The following DOCK9 variants were observed in gnomAD, a reference collection of about 807,000 sequenced individuals.
DOCK9 encodes dedicator of cytokinesis 9.
DOCK9 carries 89 observed loss-of-function variants against 263.3 expected under a neutral mutation model. That is an observed-to-expected ratio of 0.34 (90% CI 0.28 to 0.40). DOCK9 has a LOEUF of 0.40. Among genes scored for constraint, DOCK9 ranks in the 10% least tolerant of loss-of-function variants. DOCK9 has a pLI of 1.00. For synonymous variants in DOCK9, 976 were observed against 973.1 expected (o/e 1.00, Z -0.06); for missense variants, 2,140 against 2,603.4 (o/e 0.82, Z 3.87).
intron 35 of DOCK9, among the ~76,000 whole-genome samples, chr13:98,851,270 G>A (rs1312362095): frequency 7.2e-5 from 11 of 152,198 alleles, no homozygotes; most frequent in South Asian, 6.2e-4. Flanking sequence ...GATTTAAATC[G>A]CGTGCATCTG....
chr13:98,993,024 T>C (rs1165773941), intron 1 of DOCK9, among the ~76,000 whole-genome samples: 3 of 152,132 alleles, frequency 2.0e-5, no homozygotes, highest in Non-Finnish European at 4.4e-5. Flanking sequence ...ACCCCCAGCA[T>C]GGCAAAGCAG....
chr13:98,874,455 G>A (rs888441335), intron 27 of DOCK9, among the ~76,000 whole-genome samples: 3 of 152,166 alleles, frequency 2.0e-5, no homozygotes, highest in African/African-American at 7.2e-5. Context: ...GTGCACATTT[G>A]CATTTAGGTC....
intron 41 of DOCK9, among the ~76,000 whole-genome samples, chr13:98,830,625 T>C (rs2092722314): frequency 6.6e-6 from 1 of 152,176 alleles, no homozygotes; most frequent in African/African-American, 2.4e-5. Context: ...TCTTCAACCA[T>C]GAGCCCCTAT....
intron 1 of DOCK9, among the ~76,000 whole-genome samples, chr13:98,992,625 G>A (rs772634946): frequency 2.6e-5 from 4 of 152,166 alleles, no homozygotes; most frequent in Non-Finnish European, 4.4e-5. Flanking sequence ...ATAAAAGGGA[G>A]TTCCCCAGCA....
intron 1 of DOCK9, among the ~76,000 whole-genome samples, chr13:98,974,482 G>A (rs1335157020): frequency 2.0e-5 from 3 of 152,052 alleles, no homozygotes; most frequent in African/African-American, 4.8e-5. Flanking sequence ...GGTCGCAGTG[G>A]CTCACACCTG....
At chr13:98,827,303 G>A (rs1002189561) in intron 43 of DOCK9, among the ~76,000 whole-genome samples, 11 of 152,046 alleles carry the variant, frequency 7.2e-5, no homozygotes, top group Non-Finnish European at 1.2e-4. Flanking sequence ...TATATTTTTC[G>A]CTTGACTTAA....
intron 1 of DOCK9, among the ~76,000 whole-genome samples, chr13:99,002,273 G>A (rs1882493078): frequency 6.6e-6 from 1 of 152,156 alleles, no homozygotes. Flanking sequence ...TCTGATGTGA[G>A]AGGAGGATCT....
At chr13:99,023,604 C>G (rs1886371787) in intron 1 of DOCK9, among the ~76,000 whole-genome samples, 1 of 152,164 alleles carries the variant, frequency 6.6e-6, no homozygotes, top group Admixed American at 6.5e-5. Flanking sequence ...CTGATGTGTA[C>G]ACTTAAAAAT....
At chr13:98,860,284 C>A in intron 33 of DOCK9, 121 bp downstream of exon 33, 1 of 1,489,312 alleles carries the variant, frequency 6.7e-7, no homozygotes, top group South Asian at 1.4e-5. Flanking sequence ...AAAGAATACT[C>A]AGGAAAGCAA....
At chr13:98,993,092 G>A (rs144083641) in intron 1 of DOCK9, among the ~76,000 whole-genome samples, 2,352 of 152,322 alleles carry the variant, frequency 0.015, 35 homozygotes, top group South Asian at 0.056. Context: ...GTCTTAGTCA[G>A]GAGTATGGAC....
At position 98,947,021 on chromosome 13, in the gene DOCK9, G is replaced by A. The variant is rs576853127; in HGVS notation, c.243+8414C>T. Among the ~76,000 whole-genome samples, 3 of 152,266 alleles carry A rather than the reference G, an allele frequency of 2.0e-5. No individual in the cohort carries two copies. The South Asian group carries it at 6.2e-4, about 32-fold the overall frequency. ...TTCATGCCTGTCTCACTTTTCTGTG[G>A]ATGAGTCCAGATCTTCCTTTTTAAA... On this transcript the variant is annotated intron_variant, in intron 2 of 52. Transcript: ENST00000682017.
At chr13:99,078,960 A>G (rs2042017529) in intron 1 of DOCK9, among the ~76,000 whole-genome samples, 1 of 152,242 alleles carries the variant, frequency 6.6e-6, no homozygotes, top group South Asian at 2.1e-4. Flanking sequence ...ATTCTGGTTT[A>G]TGTTAAAGAC....
At chr13:98,886,771 G>C (rs2045764567) in intron 18 of DOCK9, 147 bp from the exon 19 acceptor site, 2 of 695,614 alleles carry the variant, frequency 2.9e-6, no homozygotes, top group Admixed American at 5.5e-5. Context: ...GCCCCGGACT[G>C]CTGGGTCCTG....
intron 1 of DOCK9, among the ~76,000 whole-genome samples, chr13:99,057,445 G>A (rs1390133208): frequency 2.0e-5 from 3 of 152,140 alleles, no homozygotes; most frequent in Admixed American, 2.0e-4. Context: ...TAAGTCCTGG[G>A]TGAGCTGAGG....
chr13:98,848,765 C>T (rs1594646659), intron 36 of DOCK9, 126 bp from the exon 37 acceptor site: 3 of 1,006,000 alleles, frequency 3.0e-6, no homozygotes, highest in South Asian at 1.6e-5. Context: ...GTCACATCCT[C>T]ATTCATTCAG....
chr13:98,884,397 G>C (rs563314635), intron 21 of DOCK9, among the ~76,000 whole-genome samples: 57 of 152,108 alleles, frequency 3.7e-4, no homozygotes, highest in Non-Finnish European at 6.9e-4. Context: ...TCTATAATAT[G>C]AACTTAAATT....
intron 33 of DOCK9, 119 bp downstream of exon 33, chr13:98,860,286 G>C: frequency 6.7e-7 from 1 of 1,493,228 alleles, no homozygotes; most frequent in Non-Finnish European, 9.0e-7. Context: ...AGAATACTCA[G>C]GAAAGCAACT....
At chr13:98,912,004 G>C (rs1274078193) in intron 9 of DOCK9, among the ~76,000 whole-genome samples, 2 of 151,112 alleles carry the variant, frequency 1.3e-5, no homozygotes, top group Non-Finnish European at 2.9e-5. Flanking sequence ...CAAGTAGCTG[G>C]GATTACAGGC....
intron 1 of DOCK9, among the ~76,000 whole-genome samples, chr13:99,020,356 C>T (rs1014002582): frequency 6.6e-6 from 1 of 152,172 alleles, no homozygotes; most frequent in East Asian, 1.9e-4. Flanking sequence ...ACCACATTAA[C>T]ATGGGAGGTG....
Sources: gnomAD v4.1 joint callset for allele counts (sites outside exome capture counted in the v4.1 genomes callset) on GRCh38, gnomAD v4.1.1 for gene constraint, MANE v1.5 for transcripts, NCBI Gene and HGNC (gene_info 2026-07-23, HGNC 2026-07-21) for gene names.